Variants in TRIM66 observed in about 807,000 individuals in gnomAD.
TRIM66 encodes tripartite motif-containing protein 66.
TRIM66 carries 99 observed loss-of-function variants against 148.2 expected under a neutral mutation model. That is an observed-to-expected ratio of 0.67 (90% CI 0.57 to 0.79). The LOEUF is 0.79. Among genes scored for constraint, TRIM66 ranks in the 30% least tolerant of loss-of-function variants. The pLI is 0.00. For synonymous variants in TRIM66, 616 were observed against 635.9 expected (o/e 0.97, Z 0.47); for missense variants, 1,666 against 1,697.9 (o/e 0.98, Z 0.33).
chr11:8,675,182 A>T (rs144406097), intron 3 of TRIM66, among the ~76,000 whole-genome samples: 76 of 152,344 alleles, frequency 5.0e-4, no homozygotes, highest in Non-Finnish European at 8.8e-4. Flanking sequence ...AAAAAATCAC[A>T]TTCTTTAGAA....
rs1291294102 is a variant in TRIM66, at chr11:8,638,699, T to TG, written c.2264dup (p.Val756SerfsTer99). The TG allele has an allele frequency of 1.9e-5, 30 of 1,549,430 alleles. No homozygotes were observed. Among genetic ancestry groups the TG allele is most frequent in the Non-Finnish European group, 2.6e-5 (30 of 1,146,182 alleles). The stretch of plus-strand genomic sequence containing the variant: ...AGGAGTGCTGGATGGTGCTGTCCAC[T>TG]GGGGGGACACTGAGAGGGGTTTCTT... On this transcript the variant is annotated frameshift_variant, in exon 15 of 25. Transcript: ENST00000646038. LOFTEE classifies it high-confidence loss of function.
chr11:8,621,478 C>A lies in TRIM66; in HGVS notation c.3256-157G>T, dbSNP rs572984894. ...CCCATGAATGCTGGGACACCTCACT[C>A]CTAATATGCATCTCACAGGACCTTG... On this transcript the variant is annotated intron_variant, in intron 19 of 24. Transcript: ENST00000646038. 1.4e-3 allele frequency among the ~76,000 whole-genome samples: 210 copies of A among 152,290 alleles called. 1 individual carries two copies. Among genetic ancestry groups the A allele is most frequent in the African/African-American group, 5.0e-3 (207 of 41,568 alleles).
intron 1 of TRIM66, chr11:8,680,674 A>C (rs997961130): frequency 6.6e-5 from 10 of 152,262 alleles, no homozygotes; most frequent in Admixed American, 2.0e-4. Flanking sequence ...TAGAATGTCC[A>C]AGGAATACTA....
At chr11:8,643,883 T>C (rs1024549161) in intron 12 of TRIM66, among the ~76,000 whole-genome samples, 3 of 152,200 alleles carry the variant, frequency 2.0e-5, no homozygotes, top group African/African-American at 7.2e-5. Context: ...CTAACTCTCC[T>C]ATTTATCCAG....
chr11:8,640,522 G>C lies in TRIM66; in HGVS notation c.1853C>G (p.Pro618Arg), dbSNP rs919214750. 1.9e-6 allele frequency: 3 copies of C among 1,539,522 alleles called. No homozygotes were observed. The highest frequency in any genetic ancestry group is 2.6e-6 in the Non-Finnish European group (3 of 1,141,894). Residue 618 changes from proline (P) to arginine (R), a missense_variant, in exon 14 of 25, where the codon CCT becomes CGT. Coordinates refer to ENST00000646038, the MANE Select transcript of TRIM66 (RefSeq NM_001388022.1). Reference protein sequence around the residue: ...PLPHPPPPLPPPPQQPHPPLP... With the variant: ...PLPHPPPPLPRPPQQPHPPLP... ...AGGTGGGTGTGGCTGCTGTGGGGGA[G>C]GGGGAAGGGGAGGTGGGGGATGGGG... is the stretch of plus-strand genomic sequence containing the variant.
rs865876006 is a variant in TRIM66, at chr11:8,620,341, A to G, written c.3672+105T>C. On this transcript the variant is annotated intron_variant, in intron 21 of 24. Transcript: ENST00000646038. ...AAGTTGTCAGGCATAGGACGAAGAA[A>G]TGTATCCAGAAAAGCCCCTCATCCC... 34 of 1,485,350 alleles carry G rather than the reference A, an allele frequency of 2.3e-5. No individual in the cohort carries two copies. The African/African-American group carries it at 3.9e-4, about 17-fold the overall frequency. 92.0% of individuals were successfully genotyped at this position (1,485,350 alleles called of 1,614,324 possible).
Position 8,645,824 on chromosome 11 carries a change from G to A in TRIM66, c.1021C>T (p.Arg341Cys), listed in dbSNP as rs141069498. ...AAATTCTGCACATGCTCAAACTGAC[G>A]GTTGAGAACCATGATGCTCTGTAAC... is the stretch of plus-strand genomic sequence containing the variant. ...QQLQSIMVLN[R>C]QFEHVQNFIN... Residue 341 changes from arginine (R) to cysteine (C), a missense_variant, in exon 12 of 25, where the codon CGT (arginine) becomes TGT (cysteine). By Grantham distance (180) the Arg-to-Cys change is radical. Around this residue, in one of 3 missense-constraint regions of TRIM66, gnomAD observed 1,431 missense variants for 1,412.4 expected, o/e 1.01. Coordinates refer to ENST00000646038, the MANE Select transcript of TRIM66 (RefSeq NM_001388022.1). 3.2e-5 allele frequency: 50 copies of A among 1,551,722 alleles called. No homozygotes were observed. In the African/African-American group the frequency reaches 4.5e-4, roughly 14 times the overall value.
chr11:8,681,875 G>A (rs1483579203), intron 1 of TRIM66, among the ~76,000 whole-genome samples: 1 of 152,070 alleles, frequency 6.6e-6, no homozygotes, highest in Non-Finnish European at 1.5e-5. Context: ...AAGGGTCACA[G>A]GCGTGTTATG....
chr11:8,614,906 A>G lies in TRIM66; in HGVS notation c.*3038T>C, dbSNP rs1035275304. On this transcript the variant is annotated 3_prime_UTR_variant, in exon 25 of 25. Coordinates refer to ENST00000646038, the MANE Select transcript of TRIM66 (RefSeq NM_001388022.1). ...CTAACCTAACCATGTTCTGTGGAAG[A>G]GTGCTCTGCAAGTTCATCCTGAACC... is the stretch of plus-strand genomic sequence containing the variant. 1.3e-5 allele frequency: 2 copies of G among 151,998 alleles called. No homozygotes were observed. The highest frequency in any genetic ancestry group is 2.9e-5 in the Non-Finnish European group (2 of 68,074). The allele number at this position is 151,998 out of a possible 1,614,324, so 9.4% of individuals were successfully genotyped here.
chr11:8,622,256 G>A (rs1025615242), intron 18 of TRIM66, among the ~76,000 whole-genome samples: 9 of 147,486 alleles, frequency 6.1e-5, no homozygotes, highest in Admixed American at 2.0e-4. Flanking sequence ...CTGTGATCAC[G>A]TAAATTAATA....
chr11:8,625,355 CTGGT>C, intron 15 of TRIM66, 127 bp from the exon 16 acceptor site: 9 of 1,150,220 alleles, frequency 7.8e-6, no homozygotes, highest in Non-Finnish European at 1.0e-5. Context: ...CTGGTAGCTG[CTGGT>C]AGCTGCCAGG....
intron 1 of TRIM66, among the ~76,000 whole-genome samples, chr11:8,681,411 A>G (rs1413243164): frequency 6.6e-6 from 1 of 152,028 alleles, no homozygotes; most frequent in East Asian, 1.9e-4. Context: ...GGGATTACAG[A>G]AGTAAGCCAC....
chr11:8,672,421 A>G (rs1565577014), intron 4 of TRIM66, 36 bp from the exon 5 acceptor site: 29 of 1,477,166 alleles, frequency 2.0e-5, no homozygotes, highest in Non-Finnish European at 2.6e-5. Context: ...AGAAAATTGC[A>G]TTATTGACAA....
rs775458526 is a variant in TRIM66 at position 8,649,749 on chromosome 11, C to T, written c.583G>A (p.Gly195Arg). Residue 195 changes from glycine (G) to arginine (R), a missense_variant, in exon 8 of 25, where the codon GGA becomes AGA. Transcript: ENST00000646038. ...GAGGTGGGATTGGTACCTGGAGATC[C>T]CTTCTGGGCCCGAGGAAAGAATGGG... Reference protein sequence around the residue: ...GGPFFPRAQKGSPGVNGGPGD... With the variant: ...GGPFFPRAQKRSPGVNGGPGD... The T allele has an allele frequency of 5.2e-6, 8 of 1,547,380 alleles. No homozygotes were observed. The highest frequency in any genetic ancestry group is 7.0e-6 in the Non-Finnish European group (8 of 1,146,926).
intron 15 of TRIM66, among the ~76,000 whole-genome samples, chr11:8,626,911 C>A (rs748906886): frequency 2.0e-5 from 3 of 152,176 alleles, no homozygotes; most frequent in Non-Finnish European, 4.4e-5. Context: ...CACCCACTAT[C>A]CTCACCCCCT....
rs960545063 is a variant in TRIM66, at chr11:8,624,510, T to G, written c.2868A>C (p.Gly956=). The change falls in exon 17 of 25, where the codon GGA becomes GGC. Residue 956 remains glycine (G), a synonymous_variant. Coordinates refer to ENST00000646038, the MANE Select transcript of TRIM66 (RefSeq NM_001388022.1). ...EDSTRFTDLL[G]QGPIVPGLDA... ...CCAGACCGGGGACTATGGGACCTTG[T>G]CCCAGTAAGTCAGTGAAGCGAGTGG... is the stretch of plus-strand genomic sequence containing the variant. 26 of 1,542,504 alleles carry G rather than the reference T, an allele frequency of 1.7e-5. No homozygotes were observed. In the African/African-American group the frequency reaches 3.6e-4, roughly 21 times the overall value.
chr11:8,632,527 C>T lies in TRIM66; in HGVS notation c.2310+6127G>A, dbSNP rs150672147. Among the ~76,000 whole-genome samples, 24 of 144,484 alleles carry T rather than the reference C, an allele frequency of 1.7e-4. No homozygotes were observed. In the East Asian group the frequency reaches 4.9e-3, roughly 29 times the overall value. 94.8% of individuals were successfully genotyped at this position (144,484 alleles called of 152,430 possible). On this transcript the variant is annotated intron_variant, in intron 15 of 24. Transcript: ENST00000646038. ...CTGGGGTGCAGTCAGACGATCTCAGCTCACTGTAACCTCTCCACCTCCTAA... is the reference window on the plus strand; with the variant it reads ...CTGGGGTGCAGTCAGACGATCTCAGTTCACTGTAACCTCTCCACCTCCTAA...
intron 15 of TRIM66, among the ~76,000 whole-genome samples, chr11:8,627,860 T>G (rs1555041654): frequency 6.6e-6 from 1 of 152,246 alleles, no homozygotes; most frequent in Non-Finnish European, 1.5e-5. Flanking sequence ...GGTCTTGCTC[T>G]GTCACCCTGG....
intron 17 of TRIM66, among the ~76,000 whole-genome samples, chr11:8,623,429 C>T (rs531930872): frequency 1.3e-5 from 2 of 152,132 alleles, no homozygotes; most frequent in East Asian, 3.8e-4. Flanking sequence ...ACTGTACATG[C>T]GCAAGCAGGG....
Sources: gnomAD v4.1 joint callset for allele counts (sites outside exome capture counted in the v4.1 genomes callset) on GRCh38, gnomAD v4.1.1 for gene constraint, gnomAD v4.1.1 regional missense constraint, MANE v1.5 for transcripts, NCBI Gene and HGNC (gene_info 2026-07-23, HGNC 2026-07-21) for gene names.